PDE6C: variants seen among roughly 807,000 people sequenced by gnomAD.
PDE6C encodes the protein cone cGMP-specific 3',5'-cyclic phosphodiesterase subunit alpha'.
Under a neutral mutation model 113.1 loss-of-function variants are expected in PDE6C, and 75 were observed. The observed-to-expected ratio is 0.66, with a 90% CI of 0.55 to 0.80. The LOEUF (loss-of-function observed/expected upper bound fraction) is 0.80. Among genes scored for constraint, PDE6C ranks in the 30% least tolerant of loss-of-function variants. The pLI is 0.00. For synonymous variants in PDE6C, 375 were observed against 363.7 expected (o/e 1.03, Z -0.35); for missense variants, 912 against 1,038.6 (o/e 0.88, Z 1.67).
chr10:93,641,995 A>G (rs2058562365), intron 14 of PDE6C, among the ~76,000 whole-genome samples: 1 of 152,198 alleles, frequency 6.6e-6, no homozygotes, highest in African/African-American at 2.4e-5. Context: ...CCCAGCACAT[A>G]AGGTTGTTGT....
intron 7 of PDE6C, among the ~76,000 whole-genome samples, chr10:93,627,742 G>A (rs1186044788): frequency 6.6e-6 from 1 of 152,174 alleles, no homozygotes; most frequent in African/African-American, 2.4e-5. Flanking sequence ...CACAGTTGAA[G>A]GGTGCTCAGC....
intron 8 of PDE6C, among the ~76,000 whole-genome samples, chr10:93,633,359 G>C (rs1021951073): frequency 6.6e-6 from 1 of 151,428 alleles, no homozygotes; most frequent in African/African-American, 2.4e-5. Context: ...CCAGCTACTC[G>C]TGAGGCTGAG....
chr10:93,619,574 G>A (rs1053127564), intron 1 of PDE6C, among the ~76,000 whole-genome samples: 5 of 152,074 alleles, frequency 3.3e-5, no homozygotes, highest in Non-Finnish European at 7.4e-5. Context: ...TTACAGGGGC[G>A]TGCCACCACG....
chr10:93,651,845 A>T (rs1188848934), intron 15 of PDE6C, among the ~76,000 whole-genome samples: 1 of 151,670 alleles, frequency 6.6e-6, no homozygotes, highest in African/African-American at 2.4e-5. Flanking sequence ...TTCTCCATCA[A>T]CTCCTCTTTT....
Position 93,620,921 on chromosome 10 carries a change from A to T in PDE6C, c.664A>T (p.Ile222Phe). 3 of 1,614,092 alleles carry T rather than the reference A, an allele frequency of 1.9e-6. No individual in the cohort carries two copies. The highest frequency in any genetic ancestry group is 2.5e-6 in the Non-Finnish European group (3 of 1,179,974). The change falls in exon 3 of 22, where the codon ATC (isoleucine) becomes TTC (phenylalanine). Residue 222 changes from isoleucine to phenylalanine, a missense_variant. By Grantham distance (21) the Ile-to-Phe change is conservative (BLOSUM62 0). Coordinates refer to ENST00000371447, the MANE Select transcript of PDE6C (RefSeq NM_006204.4). ...VFSKYLNFVS[I>F]ILRLHHTSYM... Reference sequence around the variant, plus strand: ...TTCCAAATACCTCAACTTTGTGTCTATCATCCTAAGGCTTCATCACACCAG... The same window carrying T: ...TTCCAAATACCTCAACTTTGTGTCTTTCATCCTAAGGCTTCATCACACCAG...
intron 11 of PDE6C, among the ~76,000 whole-genome samples, chr10:93,639,102 G>A (rs1223769792): frequency 6.6e-6 from 1 of 152,112 alleles, no homozygotes; most frequent in Non-Finnish European, 1.5e-5. Context: ...CTGTCTGGTA[G>A]GCCCACATAG....
chr10:93,654,791 T>TTTCTTTCTTTCTTTCTTTCC (rs2058627004), intron 15 of PDE6C, among the ~76,000 whole-genome samples: 10 of 104,514 alleles, frequency 9.6e-5, no homozygotes, highest in African/African-American at 2.4e-4. Flanking sequence ...TCTTTCTTTC[T>TTTCTTTCTTTCTTTCTTTCC]TTCTTTCTTT....
In PDE6C at chr10:93,626,711, A is replaced by G. The variant is rs781047568; in HGVS notation, c.1004+7A>G. 1.9e-6 allele frequency: 3 copies of G among 1,605,102 alleles called. No individual in the cohort carries two copies. Among genetic ancestry groups the G allele is most frequent in the Non-Finnish European group, 2.6e-6 (3 of 1,171,696 alleles). On this transcript the variant is annotated splice_region_variant and intron_variant, in intron 6 of 21. Transcript: ENST00000371447. ...AAGAGATCAAAGTGATTCCGTGAGT[A>G]TTGGCAGGAAGTTGCTGCCGCAGTT...
chr10:93,646,694 AC>A (rs1446926715), intron 15 of PDE6C, among the ~76,000 whole-genome samples: 1 of 152,098 alleles, frequency 6.6e-6, no homozygotes, highest in African/African-American at 2.4e-5. Context: ...CTTTTAAATA[AC>A]CAGATCTCAT....
intron 9 of PDE6C, among the ~76,000 whole-genome samples, chr10:93,635,212 A>G (rs2058522142): frequency 1.3e-5 from 2 of 151,940 alleles, no homozygotes; most frequent in African/African-American, 4.8e-5. Context: ...TCTTATTCTT[A>G]TTCTTACGCC....
intron 10 of PDE6C, among the ~76,000 whole-genome samples, 170 bp from the exon 11 acceptor site, chr10:93,636,825 T>C (rs1233159218): frequency 6.6e-6 from 1 of 152,182 alleles, no homozygotes; most frequent in Non-Finnish European, 1.5e-5. Flanking sequence ...TGGATTACAG[T>C]GGTGCCATCA....
Position 93,644,845 on chromosome 10 carries a change from CAT to C in PDE6C, c.1848-1107_1848-1106del, listed in dbSNP as rs779935694. 3.6e-4 allele frequency among the ~76,000 whole-genome samples: 45 copies of C among 126,062 alleles called. No homozygotes were observed. The East Asian group carries it at 5.7e-3, about 16-fold the overall frequency. The allele number at this position is 126,062 out of a possible 152,430, so 82.7% of individuals were successfully genotyped here. ...TACTATATATATACTATATATAGTA[CAT>C]ATATATAGTGTATATATATAGTACA... On this transcript the variant is annotated intron_variant, in intron 14 of 21. Coordinates refer to ENST00000371447, the MANE Select transcript of PDE6C (RefSeq NM_006204.4).
intron 1 of PDE6C, among the ~76,000 whole-genome samples, chr10:93,615,593 G>T (rs1473084548): frequency 2.0e-5 from 3 of 152,138 alleles, no homozygotes; most frequent in African/African-American, 7.2e-5. Context: ...TGTTGGCCAG[G>T]CTGGTACTGA....
chr10:93,635,543 A>G lies in PDE6C; in HGVS notation c.1316A>G (p.Tyr439Cys), dbSNP rs2058524367. ...TGGTCTCTTTTAAATACTGACACCT[A>G]CGATAAGATGAATAAGCTAGAAAAC... ...LGWSLLNTDT[Y>C]DKMNKLENRK... Residue 439 changes from tyrosine to cysteine, a missense_variant, in exon 10 of 22, where the codon TAC (tyrosine) becomes TGC (cysteine). Transcript: ENST00000371447. The G allele has an allele frequency of 1.9e-6, 3 of 1,612,384 alleles. No individual in the cohort carries two copies. The highest frequency in any genetic ancestry group is 2.5e-6 in the Non-Finnish European group (3 of 1,178,532).
chr10:93,640,649 T>A, intron 13 of PDE6C, 92 bp downstream of exon 13: 1 of 979,268 alleles, frequency 1.0e-6, no homozygotes, highest in South Asian at 1.3e-5. Flanking sequence ...TTTAGATCAG[T>A]AATTTAAAAA....
At chr10:93,616,992 CT>C (rs1462969533) in intron 1 of PDE6C, among the ~76,000 whole-genome samples, 1 of 152,140 alleles carries the variant, frequency 6.6e-6, no homozygotes. Flanking sequence ...ATTCGGAAAG[CT>C]GTCCATAAAC....
At chr10:93,640,335 A>G (rs1450260976) in intron 12 of PDE6C, 115 bp from the exon 13 acceptor site, 8 of 1,266,260 alleles carry the variant, frequency 6.3e-6, no homozygotes, top group Admixed American at 1.7e-5. Flanking sequence ...CTTTCTAAAT[A>G]CATCAGCTTA....
At chr10:93,630,760 C>T (rs1323048851) in intron 8 of PDE6C, among the ~76,000 whole-genome samples, 2 of 152,176 alleles carry the variant, frequency 1.3e-5, no homozygotes, top group South Asian at 4.1e-4. Flanking sequence ...AACCACACCA[C>T]ACCTTGGGGA....
chr10:93,614,562 A>G (rs1233870861), intron 1 of PDE6C, among the ~76,000 whole-genome samples: 1 of 152,194 alleles, frequency 6.6e-6, no homozygotes, highest in African/African-American at 2.4e-5. Context: ...TCTCATGGGA[A>G]TACGCTCCTT....
Sources: allele counts gnomAD v4.1 joint callset (sites outside exome capture counted in the v4.1 genomes callset), GRCh38; gene constraint gnomAD v4.1.1; transcripts MANE v1.5; gene names NCBI Gene and HGNC (gene_info 2026-07-23, HGNC 2026-07-21).